Variants in REXO4 observed in about 807,000 individuals in gnomAD.
REXO4 encodes the protein REX4 homolog, 3'-5' exonuclease.
A neutral mutation model predicts 39.9 loss-of-function variants in REXO4; 29 were observed. The observed-to-expected ratio is 0.73, with a 90% CI of 0.54 to 0.99. The LOEUF (loss-of-function observed/expected upper bound fraction) is 0.99, where lower values mean the gene tolerates loss of function less well. REXO4 is among the 50% of genes least tolerant of loss of function. The pLI is 0.00. For synonymous variants in REXO4, 184 were observed against 206.2 expected (o/e 0.89, Z 0.92); for missense variants, 524 against 546.5 (o/e 0.96, Z 0.41).
chr9:133,406,597 C>G lies in REXO4; in HGVS notation c.*356G>C. 1 of 299,346 alleles carries G rather than the reference C, an allele frequency of 3.3e-6. No individual in the cohort carries two copies. The highest frequency in any genetic ancestry group is 6.6e-6 in the Non-Finnish European group (1 of 152,104). The allele number at this position is 299,346 out of a possible 1,614,324, so 18.5% of individuals were successfully genotyped here. On this transcript the variant is annotated 3_prime_UTR_variant, in exon 8 of 8. Transcript: ENST00000371942. Reference sequence around the variant, plus strand: ...AGAGGAAGGTGCTGAGCACCTCACCCCAGGGTGTCACCGAAGATGGGCAGT... The same window carrying G: ...AGAGGAAGGTGCTGAGCACCTCACCGCAGGGTGTCACCGAAGATGGGCAGT...
chr9:133,407,500 G>T (rs896523257), intron 7 of REXO4, among the ~76,000 whole-genome samples: 6 of 152,112 alleles, frequency 3.9e-5, no homozygotes, highest in African/African-American at 1.4e-4. Flanking sequence ...CAGCAGGGCC[G>T]GGCAGGGCAG....
Position 133,407,023 on chromosome 9 carries a change from T to G in REXO4, c.1199A>C (p.Glu400Ala). The G allele has an allele frequency of 6.2e-7, 1 of 1,613,302 alleles. No homozygotes were observed. Among genetic ancestry groups the G allele is most frequent in the Non-Finnish European group, 8.5e-7 (1 of 1,179,962 alleles). The change falls in exon 8 of 8, where the codon GAG becomes GCG. Residue 400 changes from glutamate (E) to alanine (A), a missense_variant. Glu to Ala is a moderately radical substitution (Grantham distance 107). Coordinates refer to ENST00000371942, the MANE Select transcript of REXO4 (RefSeq NM_020385.4). ...AMRLYVMVKK[E>A]WESMARDRRP... The stretch of plus-strand genomic sequence containing the variant: ...CCTGTCTCGGGCCATGCTCTCCCAC[T>G]CCTTCTTCACCATGACGTACAGCCT...
In REXO4 at chr9:133,417,785, C is replaced by T. The variant is rs782405036; in HGVS notation, c.60G>A (p.Pro20=). The T allele has an allele frequency of 1.9e-6, 3 of 1,610,324 alleles. No homozygotes were observed. The highest frequency in any genetic ancestry group is 2.5e-6 in the Non-Finnish European group (3 of 1,179,880). Reference sequence around the variant, plus strand: ...TCCGAGTGAGCGTCTTGACAGGACCCGGCTTAGCCACGGGGCTGCTCGGGG... The same window carrying T: ...TCCGAGTGAGCGTCTTGACAGGACCTGGCTTAGCCACGGGGCTGCTCGGGG... ...KRAPSSPVAK[P]GPVKTLTRKK... The change falls in exon 1 of 8, where the codon CCG becomes CCA. Residue 20 remains proline (P), a synonymous_variant. Transcript: ENST00000371942.
Position 133,408,821 on chromosome 9 carries a change from TTGGA to T in REXO4, c.1017_1020del (p.His339GlnfsTer18). The T allele has an allele frequency of 2.5e-6, 4 of 1,598,850 alleles. No individual in the cohort carries two copies. The East Asian group carries it at 8.9e-5, about 36-fold the overall frequency. ...TTCTGTGTGTCCCGAATCTTCTTTT[TTGGA>T]TGATCAAGAAATAGTACCTAGAAAA... On this transcript the variant is annotated frameshift_variant, in exon 6 of 8. Transcript: ENST00000371942. LOFTEE classifies it high-confidence loss of function.
At chr9:133,412,151 G>C in intron 4 of REXO4, 148 bp downstream of exon 4, 1 of 810,702 alleles carries the variant, frequency 1.2e-6, no homozygotes, top group South Asian at 1.6e-5. Context: ...GATGCCTTTT[G>C]TATTTTAAAA....
Sources: gnomAD v4.1 joint callset for allele counts (sites outside exome capture counted in the v4.1 genomes callset) on GRCh38, gnomAD v4.1.1 for gene constraint, MANE v1.5 for transcripts, NCBI Gene and HGNC (gene_info 2026-07-23, HGNC 2026-07-21) for gene names.